Variants in NPAS3 observed in about 807,000 individuals in gnomAD.
The protein encoded by NPAS3 is neuronal PAS domain protein 3.
In NPAS3, 14 loss-of-function variants were observed where a neutral mutation model predicts 73.1. That is an observed-to-expected ratio of 0.19 (90% confidence interval 0.13 to 0.30). The LOEUF (loss-of-function observed/expected upper bound fraction) is 0.30. Ranked by LOEUF, NPAS3 falls within the 10% of genes least tolerant of loss-of-function variation. NPAS3 has a pLI of 1.00. For synonymous variants in NPAS3, 620 were observed against 541.5 expected, an observed-to-expected ratio of 1.14 and a Z score of -2.01; for missense variants, 1,096 against 1,250.0, an observed-to-expected ratio of 0.88 and a Z score of 1.86.
At chr14:33,630,800 T>C (rs188966281) in intron 5 of NPAS3, among the ~76,000 whole-genome samples, 2 of 152,294 alleles carry the variant, frequency 1.3e-5, no homozygotes, top group Admixed American at 1.3e-4. Context: ...TCCCAAACAG[T>C]ATATCTAAGG....
At chr14:33,631,198 T>C (rs568174315) in intron 5 of NPAS3, among the ~76,000 whole-genome samples, 1 of 152,328 alleles carries the variant, frequency 6.6e-6, no homozygotes, top group South Asian at 2.1e-4. Context: ...AATCACAAAC[T>C]AATGATCTCC....
chr14:32,939,135 CGCCGCCACGGCCACG>C (rs1190544572), upstream of NPAS3: 9 of 149,840 alleles, frequency 6.0e-5, no homozygotes, highest in South Asian at 7.2e-4. Context: ...CCGCCGCCGC[CGCCGCCACGGCCACG>C]GCCACGGCCC....
At chr14:33,259,696 A>G (rs1431314504) in intron 3 of NPAS3, among the ~76,000 whole-genome samples, 1 of 152,168 alleles carries the variant, frequency 6.6e-6, no homozygotes, top group Non-Finnish European at 1.5e-5. Flanking sequence ...TAAAGTGGGG[A>G]AGAAAGAATA....
chr14:33,798,092 A>G (rs1342894774), intron 11 of NPAS3, among the ~76,000 whole-genome samples: 1 of 152,064 alleles, frequency 6.6e-6, no homozygotes, highest in Admixed American at 6.5e-5. Context: ...AGAGTCTGTG[A>G]CTTTGAGCCC....
At chr14:33,493,624 T>A (rs2052018299) in intron 4 of NPAS3, among the ~76,000 whole-genome samples, 1 of 152,112 alleles carries the variant, frequency 6.6e-6, no homozygotes, top group South Asian at 2.1e-4. Context: ...TAATTAAGGC[T>A]CTGTGGTTAT....
chr14:33,101,480 G>A (rs893757705), intron 2 of NPAS3, among the ~76,000 whole-genome samples: 1 of 152,052 alleles, frequency 6.6e-6, no homozygotes, highest in Admixed American at 6.6e-5. Flanking sequence ...TACATGTAGC[G>A]ATTGAAAAAG....
chr14:33,440,840 G>A (rs1594911928), intron 4 of NPAS3, among the ~76,000 whole-genome samples: 1 of 151,534 alleles, frequency 6.6e-6, no homozygotes, highest in Non-Finnish European at 1.5e-5. Context: ...GTTGCAATGA[G>A]CCAAGACTGC....
intron 7 of NPAS3, among the ~76,000 whole-genome samples, chr14:33,739,319 G>C (rs1481907898): frequency 2.6e-5 from 4 of 152,094 alleles, no homozygotes; most frequent in African/African-American, 4.8e-5. Context: ...CTGTAGCTAG[G>C]TACTAAACTA....
At chr14:33,191,974 CA>C (rs1211418089) in intron 2 of NPAS3, among the ~76,000 whole-genome samples, 1 of 152,088 alleles carries the variant, frequency 6.6e-6, no homozygotes, top group Non-Finnish European at 1.5e-5. Context: ...TTTTTAAAAA[CA>C]GTAATTCATG....
At chr14:33,619,869 G>A (rs1227595367) in intron 5 of NPAS3, among the ~76,000 whole-genome samples, 1 of 152,162 alleles carries the variant, frequency 6.6e-6, no homozygotes, top group Non-Finnish European at 1.5e-5. Context: ...TTATCACATG[G>A]TGCCCCATTT....
At chr14:33,627,332 T>G (rs930762405) in intron 5 of NPAS3, among the ~76,000 whole-genome samples, 2 of 152,140 alleles carry the variant, frequency 1.3e-5, no homozygotes, top group African/African-American at 4.8e-5. Context: ...TCAGACACAG[T>G]TCAAGCTTTG....
At chr14:33,412,508 G>C (rs2047974285) in intron 4 of NPAS3, among the ~76,000 whole-genome samples, 1 of 152,028 alleles carries the variant, frequency 6.6e-6, no homozygotes, top group Admixed American at 6.6e-5. Context: ...TATTCCCTTT[G>C]ACCCAATTCC....
chr14:33,053,616 G>T (rs993912696), intron 1 of NPAS3, among the ~76,000 whole-genome samples: 2 of 152,184 alleles, frequency 1.3e-5, no homozygotes, highest in African/African-American at 4.8e-5. Context: ...ATAACATATT[G>T]TAGCAAGAAA....
intron 4 of NPAS3, among the ~76,000 whole-genome samples, chr14:33,392,752 C>T (rs574257425): frequency 7.9e-5 from 12 of 152,224 alleles, no homozygotes; most frequent in African/African-American, 2.4e-4. Flanking sequence ...CACATCACCG[C>T]TCGTGTTACC....
intron 2 of NPAS3, among the ~76,000 whole-genome samples, chr14:33,172,423 T>C (rs1046156705): frequency 2.0e-5 from 3 of 152,186 alleles, no homozygotes; most frequent in Admixed American, 2.0e-4. Flanking sequence ...TGAAAAACAG[T>C]TTCTGAGATT....
chr14:33,521,165 A>G lies in NPAS3; in HGVS notation c.469-38956A>G, dbSNP rs189726526. Among the ~76,000 whole-genome samples, 375 of 152,158 alleles carry G rather than the reference A, an allele frequency of 2.5e-3. 2 individuals are homozygous for G. Among genetic ancestry groups the G allele is most frequent in the African/African-American group, 7.7e-3 (318 of 41,532 alleles). On this transcript the variant is annotated intron_variant, in intron 4 of 11. Transcript: ENST00000356141. ...ACTACAGTTTTCAAGGTGCTTTTCT[A>G]TTCTAGGGAGATCTGCAGGGCACTT...
intron 4 of NPAS3, among the ~76,000 whole-genome samples, chr14:33,541,094 G>A (rs1338864011): frequency 3.1e-5 from 2 of 64,872 alleles, no homozygotes; most frequent in Non-Finnish European, 5.5e-5. Context: ...GGTATGTTTA[G>A]AGGTGTGTGT....
At chr14:33,545,146 G>A (rs1482682044) in intron 4 of NPAS3, among the ~76,000 whole-genome samples, 1 of 151,832 alleles carries the variant, frequency 6.6e-6, no homozygotes, top group Admixed American at 6.6e-5. Context: ...GTTGTAAAGG[G>A]AAATATTTTT....
At chr14:33,438,477 GAA>G (rs2049090226) in intron 4 of NPAS3, among the ~76,000 whole-genome samples, 1 of 152,348 alleles carries the variant, frequency 6.6e-6, no homozygotes, top group South Asian at 2.1e-4. Flanking sequence ...AGTAGCATGT[GAA>G]ATGGAGGCTG....
Sources: gnomAD v4.1 joint callset for allele counts (sites outside exome capture counted in the v4.1 genomes callset) on GRCh38, gnomAD v4.1.1 for gene constraint, MANE v1.5 for transcripts, NCBI Gene and HGNC (gene_info 2026-07-23, HGNC 2026-07-21) for gene names.